Variants in SCML2 observed in about 807,000 individuals in gnomAD.
SCML2 encodes the protein Scm polycomb group protein like 2, also known as sex comb on midleg-like protein 2.
SCML2 carries 6 observed loss-of-function variants against 48.4 expected under a neutral mutation model. That is an observed-to-expected ratio of 0.12 (90% confidence interval 0.07 to 0.24). SCML2 has a LOEUF of 0.24. Among genes scored for constraint, SCML2 ranks in the 10% least tolerant of loss-of-function variants. SCML2 has a pLI of 1.00. For missense variants in SCML2, 377 were observed against 528.2 expected, an observed-to-expected ratio of 0.71 and a Z score of 2.81; for synonymous variants, 181 against 189.5, an observed-to-expected ratio of 0.95 and a Z score of 0.37.
chrX:18,326,500 G>A (rs773576809), intron 3 of SCML2, among the ~76,000 whole-genome samples: 2 of 110,329 alleles, frequency 1.8e-5, no homozygotes, highest in East Asian at 5.7e-4. Context: ...CCAACATGGT[G>A]AAACACCATC....
At chrX:18,273,264 C>T (rs1927518111) in intron 7 of SCML2, among the ~76,000 whole-genome samples, 1 of 110,725 alleles carries the variant, frequency 9.0e-6, no homozygotes, top group Non-Finnish European at 1.9e-5. Flanking sequence ...TAATGATTAC[C>T]AAATCATTCA....
intron 9 of SCML2, among the ~76,000 whole-genome samples, chrX:18,259,107 T>G (rs188304681): frequency 9.0e-6 from 1 of 110,566 alleles, no homozygotes; most frequent in Non-Finnish European, 1.9e-5. Flanking sequence ...CTACTAAAAA[T>G]ACAAAAATTA....
rs370964336 is a variant in SCML2, at chrX:18,305,011, G to A, written c.691C>T (p.Arg231Cys). Residue 231 changes from arginine to cysteine, a missense_variant, in exon 7 of 15, where the codon CGC becomes TGC. By Grantham distance (180) the Arg-to-Cys change is radical (BLOSUM62 -3). Coordinates refer to ENST00000251900, the MANE Select transcript of SCML2 (RefSeq NM_006089.3). ...SRDIFPAGWC[R>C]LTGDVLQPPG... Reference sequence around the variant, plus strand: ...GGTTGTAATACATCTCCTGTCAGGCGACACCACCCAGCTGGGAAAATATCT... The same window carrying A: ...GGTTGTAATACATCTCCTGTCAGGCAACACCACCCAGCTGGGAAAATATCT... 8 of 1,208,394 alleles carry A rather than the reference G, an allele frequency of 6.6e-6. No homozygotes were observed. The highest frequency in any genetic ancestry group is 6.6e-5 in the Admixed American group (3 of 45,583).
At chrX:18,297,812 A>C in intron 7 of SCML2, among the ~76,000 whole-genome samples, 1 of 110,850 alleles carries the variant, frequency 9.0e-6, no homozygotes, top group East Asian at 2.8e-4. Context: ...CCCTGTCTCT[A>C]CAAAAAAAAA....
chrX:18,280,028 C>T (rs966183484), intron 7 of SCML2, among the ~76,000 whole-genome samples: 15 of 111,358 alleles, frequency 1.3e-4, no homozygotes, highest in African/African-American at 2.9e-4. Flanking sequence ...ACCAGCTAGA[C>T]GGTCAAGACA....
chrX:18,253,855 T>C (rs1602078323), intron 11 of SCML2, among the ~76,000 whole-genome samples: 1 of 112,023 alleles, frequency 8.9e-6, no homozygotes, highest in Non-Finnish European at 1.9e-5. Flanking sequence ...TATGCAACAA[T>C]ACAGATGAAA....
rs1453518385 is a variant in SCML2 at position 18,301,987 on chromosome X, A to C, written c.730+2985T>G. Among the ~76,000 whole-genome samples, 8 of 111,410 alleles carry C rather than the reference A, an allele frequency of 7.2e-5. No homozygotes were observed. In the Admixed American group the frequency reaches 7.6e-4, roughly 11 times the overall value. On this transcript the variant is annotated intron_variant, in intron 7 of 14. Coordinates refer to ENST00000251900, the MANE Select transcript of SCML2 (RefSeq NM_006089.3). The stretch of plus-strand genomic sequence containing the variant: ...GGTGGAAGCAAAAATTATAATACTA[A>C]TGTGGTTCTCAATATTGAAGACAAT...
At chrX:18,295,081 C>T (rs1033056851) in intron 7 of SCML2, among the ~76,000 whole-genome samples, 1 of 111,476 alleles carries the variant, frequency 9.0e-6, no homozygotes, top group Non-Finnish European at 1.9e-5. Context: ...GGCTAAAGCA[C>T]ATGCCCCCAC....
chrX:18,250,604 C>G (rs908484065), intron 11 of SCML2, among the ~76,000 whole-genome samples: 1 of 109,915 alleles, frequency 9.1e-6, no homozygotes, highest in African/African-American at 3.3e-5. Flanking sequence ...AGGATGGTCT[C>G]GATCTCCTGG....
chrX:18,264,753 T>C (rs745830042), intron 8 of SCML2, among the ~76,000 whole-genome samples: 1 of 111,607 alleles, frequency 9.0e-6, no homozygotes, highest in Non-Finnish European at 1.9e-5. Context: ...CTTTAAATTC[T>C]GATCTTGGGC....
Position 18,330,638 on chromosome X carries a change from T to C in SCML2, c.40A>G (p.Lys14Glu), listed in dbSNP as rs1264871019. ...TGAGGAGTTTTCTCTTGATTCTCCT[T>C]CTTGACATCCATGGAATCTAATAAA... ...TVNEDSMDVKKENQEKTPQSS... is the reference protein window; with the variant it reads ...TVNEDSMDVKEENQEKTPQSS... Residue 14 changes from lysine (K) to glutamate (E), a missense_variant, in exon 3 of 15, where the codon AAG becomes GAG. Around this residue, in one of 3 missense-constraint regions of SCML2, gnomAD observed 61 missense variants for 59.9 expected, o/e 1.02. Transcript: ENST00000251900. The C allele has an allele frequency of 1.7e-6, 2 of 1,163,549 alleles. No homozygotes were observed. The highest frequency in any genetic ancestry group is 3.0e-5 in the East Asian group (1 of 32,869).
chrX:18,286,092 T>C (rs762401704), intron 7 of SCML2, among the ~76,000 whole-genome samples: 8 of 111,728 alleles, frequency 7.2e-5, no homozygotes, highest in African/African-American at 2.6e-4. Flanking sequence ...AGTGATAATC[T>C]ACAGATGGCA....
intron 11 of SCML2, among the ~76,000 whole-genome samples, chrX:18,252,636 G>A (rs1210007666): frequency 8.9e-6 from 1 of 112,595 alleles, no homozygotes; most frequent in Non-Finnish European, 1.9e-5. Flanking sequence ...AGCAGTCATA[G>A]GAACTAATAA....
intron 6 of SCML2, among the ~76,000 whole-genome samples, chrX:18,314,414 T>C (rs1044233479): frequency 8.9e-6 from 1 of 111,770 alleles, no homozygotes; most frequent in Non-Finnish European, 1.9e-5. Flanking sequence ...GACTAGCTCA[T>C]TTAAGCTCAA....
intron 1 of SCML2, among the ~76,000 whole-genome samples, chrX:18,347,447 A>G (rs1930234339): frequency 9.9e-6 from 1 of 101,234 alleles, no homozygotes; most frequent in African/African-American, 3.9e-5. Flanking sequence ...TTCCATTTCA[A>G]AAAAAAAAAA....
chrX:18,272,768 G>A (rs1289021568), intron 7 of SCML2, among the ~76,000 whole-genome samples: 1 of 111,336 alleles, frequency 9.0e-6, no homozygotes, highest in East Asian at 2.8e-4. Context: ...CAATGGATTA[G>A]AGACTGGGGA....
At position 18,287,605 on chromosome X, in the gene SCML2, T is replaced by C. The variant is rs760493410; in HGVS notation, c.730+17367A>G. 6.2e-5 allele frequency among the ~76,000 whole-genome samples: 7 copies of C among 112,043 alleles called. No homozygotes were observed. The East Asian group carries it at 2.0e-3, about 31-fold the overall frequency. ...AGAAACAAAAGACCAGCTAAAGTTG[T>C]TCTCTACCGCCATACCTAAGTGACA... On this transcript the variant is annotated intron_variant, in intron 7 of 14. Coordinates refer to ENST00000251900, the MANE Select transcript of SCML2 (RefSeq NM_006089.3).
At chrX:18,318,622 CAACT>C (rs1258701811) in intron 6 of SCML2, among the ~76,000 whole-genome samples, 2 of 112,201 alleles carry the variant, frequency 1.8e-5, no homozygotes, top group African/African-American at 6.5e-5. Context: ...CAAATCTCTC[CAACT>C]AACTTTCGAG....
chrX:18,332,823 T>A (rs765299370), intron 2 of SCML2, among the ~76,000 whole-genome samples: 3 of 109,329 alleles, frequency 2.7e-5, no homozygotes, highest in Non-Finnish European at 5.7e-5. Flanking sequence ...AAAATTTTTT[T>A]AAAAAATTAG....
Sources: gnomAD v4.1 joint callset for allele counts (sites outside exome capture counted in the v4.1 genomes callset) on GRCh38, gnomAD v4.1.1 for gene constraint, gnomAD v4.1.1 regional missense constraint, MANE v1.5 for transcripts, NCBI Gene and HGNC (gene_info 2026-07-23, HGNC 2026-07-21) for gene names.